AGBL4: variants seen among roughly 807,000 people sequenced by gnomAD.
AGBL4 encodes cytosolic carboxypeptidase 6.
In AGBL4, 58 loss-of-function variants were observed where a neutral mutation model predicts 66.4. The observed-to-expected ratio is 0.87, with a 90% CI of 0.71 to 1.09. The LOEUF (loss-of-function observed/expected upper bound fraction) is 1.09. Among genes scored for constraint, AGBL4 ranks in the 50% least tolerant of loss-of-function variants. AGBL4 has a pLI of 0.00. For missense variants in AGBL4, 579 were observed against 631.0 expected (o/e 0.92, Z 0.88); for synonymous variants, 234 against 222.9 (o/e 1.05, Z -0.44).
At chr1:49,674,571 TACACACAC>T (rs139707283) in intron 3 of AGBL4, among the ~76,000 whole-genome samples, 33 of 143,754 alleles carry the variant, frequency 2.3e-4, no homozygotes, top group Non-Finnish European at 3.8e-4. Context: ...AAGAATAAAA[TACACACAC>T]ACACACACAC....
chr1:49,636,636 T>C (rs1201296039), intron 3 of AGBL4, among the ~76,000 whole-genome samples: 1 of 152,214 alleles, frequency 6.6e-6, no homozygotes, highest in African/African-American at 2.4e-5. Flanking sequence ...CATATGTATG[T>C]ATGATTACAT....
At chr1:48,775,900 C>A (rs538739638) in intron 6 of AGBL4, among the ~76,000 whole-genome samples, 3 of 152,294 alleles carry the variant, frequency 2.0e-5, no homozygotes, top group Non-Finnish European at 4.4e-5. Context: ...ATTCAGGGAG[C>A]CTTCTGGGAG....
At chr1:48,799,016 T>C (rs1239363344) in intron 6 of AGBL4, among the ~76,000 whole-genome samples, 1 of 152,202 alleles carries the variant, frequency 6.6e-6, no homozygotes, top group Non-Finnish European at 1.5e-5. Context: ...TTTGGTTCCA[T>C]ATGAATTTTA....
chr1:48,695,754 G>T (rs958885090), intron 6 of AGBL4, among the ~76,000 whole-genome samples: 1 of 152,124 alleles, frequency 6.6e-6, no homozygotes, highest in Non-Finnish European at 1.5e-5. Flanking sequence ...CCATTTTAAG[G>T]CACCCCCATT....
chr1:48,934,255 G>T lies in AGBL4; in HGVS notation c.595-67025C>A, dbSNP rs370163770. Among the ~76,000 whole-genome samples the T allele has an allele frequency of 1.4e-4, 22 of 152,142 alleles. No individual in the cohort carries two copies. In the East Asian group the frequency reaches 4.1e-3, roughly 28 times the overall value. Reference sequence around the variant, plus strand: ...TGAAGACGCTCAGCTATTATAGCAGGAGGGGTGTCACTCATCAGGATGTAT... The same window carrying T: ...TGAAGACGCTCAGCTATTATAGCAGTAGGGGTGTCACTCATCAGGATGTAT... On this transcript the variant is annotated intron_variant, in intron 5 of 13. Coordinates refer to ENST00000371839, the MANE Select transcript of AGBL4 (RefSeq NM_032785.4).
At chr1:48,848,811 C>T (rs1017866241) in intron 6 of AGBL4, among the ~76,000 whole-genome samples, 1 of 152,144 alleles carries the variant, frequency 6.6e-6, no homozygotes, top group Non-Finnish European at 1.5e-5. Context: ...GAAATGTCAA[C>T]GTTCAATGGA....
chr1:48,718,976 T>G (rs1647098242), intron 6 of AGBL4, among the ~76,000 whole-genome samples: 3 of 152,204 alleles, frequency 2.0e-5, no homozygotes. Context: ...TTGTTATTCT[T>G]GTACTGAACG....
chr1:49,896,875 T>C (rs1649278863), intron 1 of AGBL4, among the ~76,000 whole-genome samples: 1 of 151,892 alleles, frequency 6.6e-6, no homozygotes, highest in Admixed American at 6.6e-5. Context: ...TCATTTCAAT[T>C]GATGCTGAAA....
chr1:49,523,181 C>T (rs2148802805), intron 3 of AGBL4, among the ~76,000 whole-genome samples: 1 of 152,156 alleles, frequency 6.6e-6, no homozygotes, highest in South Asian at 2.1e-4. Context: ...TGACAAATAT[C>T]ATCCATAAGT....
the AGBL4 span, among the ~76,000 whole-genome samples, chr1:48,524,998 A>T: frequency 6.6e-6 from 1 of 152,056 alleles, no homozygotes; most frequent in African/African-American, 2.4e-5. Flanking sequence ...GAGAGAGAAA[A>T]GGAGGGGTGT....
the AGBL4 span, among the ~76,000 whole-genome samples, chr1:48,523,298 C>T: frequency 1.3e-5 from 2 of 152,180 alleles, no homozygotes; most frequent in African/African-American, 4.8e-5. Context: ...CATCCCCTTC[C>T]TATTGTATGG....
At chr1:49,129,754 A>C (rs1269883370) in intron 4 of AGBL4, among the ~76,000 whole-genome samples, 8 of 152,146 alleles carry the variant, frequency 5.3e-5, no homozygotes, top group African/African-American at 1.7e-4. Flanking sequence ...TGCTGTTGTG[A>C]ATAGTGCCAC....
intron 4 of AGBL4, among the ~76,000 whole-genome samples, chr1:49,054,661 A>G (rs1442411267): frequency 6.6e-6 from 1 of 151,992 alleles, no homozygotes; most frequent in East Asian, 1.9e-4. Context: ...AAACAGAACT[A>G]TACAATTTTT....
At chr1:49,203,220 C>T (rs1036160712) in intron 4 of AGBL4, among the ~76,000 whole-genome samples, 2 of 151,876 alleles carry the variant, frequency 1.3e-5, no homozygotes, top group Admixed American at 6.6e-5. Flanking sequence ...GGAGGTTCCT[C>T]AGAAAATTTG....
At chr1:49,077,882 C>T (rs1644739630) in intron 4 of AGBL4, among the ~76,000 whole-genome samples, 1 of 151,576 alleles carries the variant, frequency 6.6e-6, no homozygotes, top group Non-Finnish European at 1.5e-5. Context: ...AATATGACTA[C>T]TAAAAAGTAT....
intron 4 of AGBL4, among the ~76,000 whole-genome samples, chr1:49,195,529 T>G (rs1263113389): frequency 6.6e-6 from 1 of 152,174 alleles, no homozygotes; most frequent in African/African-American, 2.4e-5. Context: ...CTGCTCTTAG[T>G]GTAATGGGGT....
At chr1:49,610,372 T>C (rs1055242956) in intron 3 of AGBL4, among the ~76,000 whole-genome samples, 7 of 152,146 alleles carry the variant, frequency 4.6e-5, no homozygotes, top group Admixed American at 2.0e-4. Flanking sequence ...AACGTAGACT[T>C]TTCAGACTCC....
chr1:49,687,514 G>T (rs1006106259), intron 3 of AGBL4, among the ~76,000 whole-genome samples: 2 of 152,074 alleles, frequency 1.3e-5, no homozygotes, highest in Non-Finnish European at 1.5e-5. Context: ...GTTCATGTCC[G>T]CAATCCCAGC....
intron 4 of AGBL4, among the ~76,000 whole-genome samples, chr1:49,084,768 A>G (rs1005557858): frequency 5.3e-5 from 8 of 152,210 alleles, no homozygotes; most frequent in Admixed American, 6.5e-5. Flanking sequence ...TCTAGACCAA[A>G]CTATTGACAA....
Sources: allele counts gnomAD v4.1 joint callset (sites outside exome capture counted in the v4.1 genomes callset), GRCh38; gene constraint gnomAD v4.1.1; transcripts MANE v1.5; gene names NCBI Gene and HGNC (gene_info 2026-07-23, HGNC 2026-07-21).